RFX4: variants seen among roughly 807,000 people sequenced by gnomAD.
The protein encoded by RFX4 is transcription factor RFX4.
Under a neutral mutation model 95.0 loss-of-function variants are expected in RFX4, and 10 were observed. The ratio of observed to expected loss-of-function variants is 0.11; its 90% CI spans 0.06 to 0.18. The LOEUF (loss-of-function observed/expected upper bound fraction) is 0.18, where lower values mean the gene tolerates loss of function less well. Among genes scored for constraint, RFX4 ranks in the 10% least tolerant of loss-of-function variants. The probability of loss-of-function intolerance (pLI) is 1.00; values close to 1 mark genes in which losing one functional copy is unlikely to be tolerated. For missense variants in RFX4, 640 were observed against 922.0 expected, an observed-to-expected ratio of 0.69 and a Z score of 3.96; for synonymous variants, 321 against 340.7, an observed-to-expected ratio of 0.94 and a Z score of 0.64.
intron 2 of RFX4, among the ~76,000 whole-genome samples, chr12:106,613,110 T>A (rs1360960306): frequency 1.3e-5 from 2 of 151,840 alleles, no homozygotes; most frequent in Non-Finnish European, 2.9e-5. Context: ...GTTTATTGAG[T>A]GCTTTTATCA....
In RFX4 at chr12:106,750,811, G is replaced by T. The variant is rs756953284; in HGVS notation, c.1935+18G>T. ...CTGCACAGGTGAGTCAGTGGTCCTG[G>T]TTTCTTGGCCAGGCCTTGGTATACT... On this transcript the variant is annotated intron_variant, in intron 17 of 17. Transcript: ENST00000392842. 2.0e-5 allele frequency: 30 copies of T among 1,528,606 alleles called. No individual in the cohort carries two copies. Among genetic ancestry groups the T allele is most frequent in the Non-Finnish European group, 2.5e-5 (29 of 1,140,824 alleles). The allele number at this position is 1,528,606 out of a possible 1,614,324, so 94.7% of individuals were successfully genotyped here.
chr12:106,703,524 G>C (rs2042029296), intron 8 of RFX4, among the ~76,000 whole-genome samples: 1 of 152,202 alleles, frequency 6.6e-6, no homozygotes, highest in Admixed American at 6.5e-5. Context: ...CACTGATCAA[G>C]TGAACGGAGG....
chr12:106,758,777 CG>C (rs888891572), intron 17 of RFX4, among the ~76,000 whole-genome samples: 44 of 152,168 alleles, frequency 2.9e-4, no homozygotes, highest in African/African-American at 9.7e-4. Context: ...TCCTTTGGGA[CG>C]GTCATATCAA....
In RFX4 at chr12:106,696,151, G is replaced by A. The variant is rs1306211093; in HGVS notation, c.670-132G>A. 23 of 1,031,652 alleles carry A rather than the reference G, an allele frequency of 2.2e-5. No homozygotes were observed. The African/African-American group carries it at 3.2e-4, about 14-fold the overall frequency. 63.9% of individuals were successfully genotyped at this position (1,031,652 alleles called of 1,614,324 possible). On this transcript the variant is annotated intron_variant, in intron 7 of 17. Coordinates refer to ENST00000392842, the MANE Select transcript of RFX4 (RefSeq NM_213594.3). Reference sequence around the variant, plus strand: ...GGGCCTCCTACAACATGGCAGGCTGGGGGTGACTTCTGCTGCCGCAGGGGA... The same window carrying A: ...GGGCCTCCTACAACATGGCAGGCTGAGGGTGACTTCTGCTGCCGCAGGGGA...
At chr12:106,694,906 A>G (rs1280353725) in intron 7 of RFX4, among the ~76,000 whole-genome samples, 1 of 152,012 alleles carries the variant, frequency 6.6e-6, no homozygotes, top group Non-Finnish European at 1.5e-5. Flanking sequence ...GTGTGGTGGC[A>G]CACACCTAGA....
At chr12:106,708,084 A>C (rs776504818) in intron 8 of RFX4, among the ~76,000 whole-genome samples, 1 of 152,222 alleles carries the variant, frequency 6.6e-6, no homozygotes. Context: ...CAGTGAGCTG[A>C]GATTGTGCCA....
At chr12:106,644,581 G>A (rs367935218) in intron 3 of RFX4, among the ~76,000 whole-genome samples, 5 of 152,194 alleles carry the variant, frequency 3.3e-5, no homozygotes, top group East Asian at 3.9e-4. Flanking sequence ...TCTCATCTTT[G>A]CCATTACAAG....
intron 1 of RFX4, among the ~76,000 whole-genome samples, chr12:106,588,750 C>T (rs2039497997): frequency 6.6e-6 from 1 of 152,304 alleles, no homozygotes; most frequent in East Asian, 1.9e-4. Context: ...TGTGTTCTGA[C>T]ATCTATGTCA....
At chr12:106,645,394 C>T (rs1009059351) in intron 3 of RFX4, among the ~76,000 whole-genome samples, 3 of 152,252 alleles carry the variant, frequency 2.0e-5, no homozygotes, top group East Asian at 1.9e-4. Context: ...TTACCCAGAG[C>T]TCCTTGTACG....
chr12:106,641,965 ATCTATC>A (rs1353810916), intron 3 of RFX4, among the ~76,000 whole-genome samples: 64 of 65,100 alleles, frequency 9.8e-4, no homozygotes, highest in African/African-American at 3.1e-3. Flanking sequence ...CTATATCTAT[ATCTATC>A]TATATCTATA....
At chr12:106,651,555 A>G (rs1158091000) in intron 3 of RFX4, among the ~76,000 whole-genome samples, 1 of 152,138 alleles carries the variant, frequency 6.6e-6, no homozygotes, top group Non-Finnish European at 1.5e-5. Flanking sequence ...AACTGTACCT[A>G]TGGTCAGGAG....
intron 8 of RFX4, among the ~76,000 whole-genome samples, chr12:106,700,763 G>A (rs140505228): frequency 5.9e-5 from 9 of 152,214 alleles, no homozygotes; most frequent in African/African-American, 2.2e-4. Flanking sequence ...TGCTTCACAT[G>A]TAGTGTAAGA....
At chr12:106,718,744 T>C (rs2137523265) in intron 11 of RFX4, among the ~76,000 whole-genome samples, 1 of 152,266 alleles carries the variant, frequency 6.6e-6, no homozygotes, top group Admixed American at 6.5e-5. Flanking sequence ...CACAAAAATG[T>C]GATGAAAAGA....
rs144771264 is a variant in RFX4, at chr12:106,749,524, T to C, written c.1797-1131T>C. 2.0e-3 allele frequency among the ~76,000 whole-genome samples: 297 copies of C among 152,248 alleles called. 3 individuals carry two copies. Among genetic ancestry groups the C allele is most frequent in the African/African-American group, 6.8e-3 (281 of 41,514 alleles). On this transcript the variant is annotated intron_variant, in intron 16 of 17. Transcript: ENST00000392842. ...AACCATTATTTTCTCAGGGGGCCTTTGAGAGTATTTCCACACATTTAGAAT... is the reference window on the plus strand; with the variant it reads ...AACCATTATTTTCTCAGGGGGCCTTCGAGAGTATTTCCACACATTTAGAAT...
chr12:106,595,327 C>T (rs1035767), intron 1 of RFX4, among the ~76,000 whole-genome samples: 15,318 of 152,238 alleles, frequency 0.1, 924 homozygotes, highest in Non-Finnish European at 0.12. Flanking sequence ...TTCTAGTTCA[C>T]CTCCTCTACT....
At chr12:106,612,794 C>T (rs2039989312) in intron 2 of RFX4, among the ~76,000 whole-genome samples, 1 of 151,550 alleles carries the variant, frequency 6.6e-6, no homozygotes, top group Non-Finnish European at 1.5e-5. Flanking sequence ...GCCAAGATTG[C>T]ACCACTGCAC....
chr12:106,656,078 A>G (rs1324715241), intron 4 of RFX4, among the ~76,000 whole-genome samples: 1 of 152,172 alleles, frequency 6.6e-6, no homozygotes, highest in African/African-American at 2.4e-5. Flanking sequence ...TGATCTAGGT[A>G]AAATCAGTTT....
intron 1 of RFX4, among the ~76,000 whole-genome samples, chr12:106,606,688 A>G (rs535269506): frequency 6.6e-6 from 1 of 152,246 alleles, no homozygotes; most frequent in Non-Finnish European, 1.5e-5. Flanking sequence ...AGATTTCCAT[A>G]TCCTCTCAAC....
At chr12:106,634,584 C>G (rs966609833) in intron 2 of RFX4, among the ~76,000 whole-genome samples, 2 of 152,176 alleles carry the variant, frequency 1.3e-5, no homozygotes, top group African/African-American at 4.8e-5. Flanking sequence ...CATCACATCA[C>G]GTTCCATACT....
Sources: allele counts gnomAD v4.1 joint callset (sites outside exome capture counted in the v4.1 genomes callset), GRCh38; gene constraint gnomAD v4.1.1; transcripts MANE v1.5; gene names NCBI Gene and HGNC (gene_info 2026-07-23, HGNC 2026-07-21).